NUP50: variants seen among roughly 807,000 people sequenced by gnomAD.
NUP50 encodes the protein nucleoporin 50, also known as nuclear pore complex protein Nup50.
A neutral mutation model predicts 36.8 loss-of-function variants in NUP50; 14 were observed. That is an observed-to-expected ratio of 0.38 (90% CI 0.25 to 0.59). The LOEUF is 0.59. Among genes scored for constraint, NUP50 ranks in the 20% least tolerant of loss-of-function variants. NUP50 has a pLI of 0.63. For synonymous variants in NUP50, 195 were observed against 210.8 expected (o/e 0.93, Z 0.65); for missense variants, 455 against 564.6 (o/e 0.81, Z 1.97).
intron 3 of NUP50, among the ~76,000 whole-genome samples, chr22:45,173,716 T>A (rs2074233567): frequency 6.6e-6 from 1 of 152,088 alleles, no homozygotes; most frequent in African/African-American, 2.4e-5. Flanking sequence ...GGGAAGCCAT[T>A]CTGAAGGAGG....
At chr22:45,167,868 A>AGGG (rs2074119905) in intron 1 of NUP50, among the ~76,000 whole-genome samples, 1 of 152,190 alleles carries the variant, frequency 6.6e-6, no homozygotes, top group Admixed American at 6.5e-5. Context: ...TTTTTAAAAA[A>AGGG]TCAATTGATA....
rs537565427 is a variant in NUP50 at position 45,181,385 on chromosome 22, C to T, written c.1085+18C>T. The stretch of plus-strand genomic sequence containing the variant: ...TCCAAAAAGTAAGAATCCCCACAAC[C>T]TGCTGGCGCATGTGTTTTGCAGGCA... On this transcript the variant is annotated intron_variant, in intron 6 of 7. Coordinates refer to ENST00000347635, the MANE Select transcript of NUP50 (RefSeq NM_007172.4). 2 of 1,532,414 alleles carry T rather than the reference C, an allele frequency of 1.3e-6. No individual in the cohort carries two copies. The highest frequency in any genetic ancestry group is 2.8e-5 in the African/African-American group (2 of 70,592). The allele number at this position is 1,532,414 out of a possible 1,614,324, so 94.9% of individuals were successfully genotyped here.
chr22:45,175,496 A>G (rs1467818682), intron 3 of NUP50, among the ~76,000 whole-genome samples: 1 of 152,210 alleles, frequency 6.6e-6, no homozygotes, highest in African/African-American at 2.4e-5. Flanking sequence ...TCATTTCTTT[A>G]GGCAGTAAAT....
intron 1 of NUP50, among the ~76,000 whole-genome samples, chr22:45,167,951 T>C (rs2074121233): frequency 1.3e-5 from 2 of 152,172 alleles, no homozygotes; most frequent in South Asian, 2.1e-4. Context: ...AGGAATCTTC[T>C]TCTGCCTCCT....
rs2083453770 is a variant in NUP50 at position 45,186,930 on chromosome 22, G to A, written c.*2275G>A. 2 of 152,198 alleles carry A rather than the reference G, an allele frequency of 1.3e-5. No homozygotes were observed. Among genetic ancestry groups the A allele is most frequent in the Non-Finnish European group, 2.9e-5 (2 of 68,030 alleles). 9.4% of individuals were successfully genotyped at this position (152,198 alleles called of 1,614,324 possible). A position where few individuals can be genotyped will look rare whatever the true frequency, so the allele number is the denominator to read the frequency against. Reference sequence around the variant, plus strand: ...TTACTTGGGGCACGGGGCCCCTGGAGGGCTTCCCTACTTTCCCCACTATGT... The same window carrying A: ...TTACTTGGGGCACGGGGCCCCTGGAAGGCTTCCCTACTTTCCCCACTATGT... On this transcript the variant is annotated 3_prime_UTR_variant, in exon 8 of 8. Transcript: ENST00000347635.
rs1350480577 is a variant in NUP50 at position 45,186,480 on chromosome 22, C to A, written c.*1825C>A. 1 of 152,304 alleles carries A rather than the reference C, an allele frequency of 6.6e-6. No individual in the cohort carries two copies. Among genetic ancestry groups the A allele is most frequent in the African/African-American group, 2.4e-5 (1 of 41,442 alleles). 9.4% of individuals were successfully genotyped at this position (152,304 alleles called of 1,614,324 possible). A position where few individuals can be genotyped will look rare whatever the true frequency, so the allele number is the denominator to read the frequency against. On this transcript the variant is annotated 3_prime_UTR_variant, in exon 8 of 8. Coordinates refer to ENST00000347635, the MANE Select transcript of NUP50 (RefSeq NM_007172.4). ...TGTTGCAACTTAGCCACACATGCTTCCCTGGTACCAGCTGGAATCAGCAGC... is the reference window on the plus strand; with the variant it reads ...TGTTGCAACTTAGCCACACATGCTTACCTGGTACCAGCTGGAATCAGCAGC...
intron 6 of NUP50, among the ~76,000 whole-genome samples, chr22:45,181,963 T>C (rs1265709838): frequency 2.0e-5 from 3 of 152,218 alleles, no homozygotes; most frequent in African/African-American, 2.4e-5. Context: ...GTTTTTGTAA[T>C]GCAAAAATTT....
At chr22:45,176,591 A>G (rs1289026342) in intron 4 of NUP50, among the ~76,000 whole-genome samples, 1 of 152,198 alleles carries the variant, frequency 6.6e-6, no homozygotes, top group Non-Finnish European at 1.5e-5. Flanking sequence ...GGAATTAGCA[A>G]CAGAGAATAG....
intron 2 of NUP50, chr22:45,171,157 G>C (rs888013259): frequency 1.5e-5 from 18 of 1,189,906 alleles, no homozygotes; most frequent in Non-Finnish European, 1.7e-5. Context: ...AGTTGGGCAG[G>C]ACTCATCTTA....
At chr22:45,181,151 T>A (rs2074364913) in intron 5 of NUP50, 135 bp from the exon 6 acceptor site, 2 of 55,980 alleles carry the variant, frequency 3.6e-5, no homozygotes, top group South Asian at 2.4e-4. Flanking sequence ...CCCCCCCCCA[T>A]TAAGTGTGCA....
At chr22:45,171,446 C>G (rs1483110351) in intron 2 of NUP50, among the ~76,000 whole-genome samples, 154 bp from the exon 3 acceptor site, 1 of 152,188 alleles carries the variant, frequency 6.6e-6, no homozygotes, top group East Asian at 1.9e-4. Flanking sequence ...CCTCCCAAAG[C>G]GCTAGTATTA....
chr22:45,182,144 A>G (rs1174749187), intron 6 of NUP50, among the ~76,000 whole-genome samples: 2 of 150,862 alleles, frequency 1.3e-5, no homozygotes, highest in Non-Finnish European at 3.0e-5. Flanking sequence ...TTTTTTTTTA[A>G]TTAGAATCAA....
In NUP50 at chr22:45,175,875, C is replaced by T; in HGVS notation, c.154-19C>T. 6.2e-7 allele frequency: 1 copy of T among 1,613,194 alleles called. No homozygotes were observed. The highest frequency in any genetic ancestry group is 8.5e-7 in the Non-Finnish European group (1 of 1,179,504). ...AGAAAGTACACTTACCTAATGTGTG[C>T]TCCTCCTTCATACTTCAGTCTGACA... is the stretch of plus-strand genomic sequence containing the variant. On this transcript the variant is annotated intron_variant, in intron 3 of 7. Transcript: ENST00000347635.
At chr22:45,167,830 TTATA>T (rs748493018) in intron 1 of NUP50, among the ~76,000 whole-genome samples, 65 of 152,358 alleles carry the variant, frequency 4.3e-4, no homozygotes, top group Admixed American at 6.5e-4. Context: ...GACTTTTTGA[TTATA>T]TATACAGTAC....
chr22:45,174,726 T>G (rs955220984), intron 3 of NUP50, among the ~76,000 whole-genome samples: 3 of 152,212 alleles, frequency 2.0e-5, no homozygotes, highest in African/African-American at 7.2e-5. Context: ...GTTTGGAATT[T>G]TAAATGATGA....
intron 2 of NUP50, among the ~76,000 whole-genome samples, chr22:45,168,481 T>A (rs2074130241): frequency 6.6e-6 from 1 of 152,258 alleles, no homozygotes; most frequent in Non-Finnish European, 1.5e-5. Context: ...GCTTTTCCAC[T>A]AGTGCCTGCT....
At position 45,186,076 on chromosome 22, in the gene NUP50, A is replaced by G. The variant is rs1469429854; in HGVS notation, c.*1421A>G. 18 of 152,264 alleles carry G rather than the reference A, an allele frequency of 1.2e-4. No individual in the cohort carries two copies. The highest frequency in any genetic ancestry group is 7.2e-4 in the Admixed American group (11 of 15,290). The allele number at this position is 152,264 out of a possible 1,614,324, so 9.4% of individuals were successfully genotyped here. A position where few individuals can be genotyped will look rare whatever the true frequency, so the allele number is the denominator to read the frequency against. On this transcript the variant is annotated 3_prime_UTR_variant, in exon 8 of 8. Transcript: ENST00000347635. ...AAGGTTTGGCGCCGGGAGCAATTTTATGATCAAATATGATGAACTCCTAAG... is the reference window on the plus strand; with the variant it reads ...AAGGTTTGGCGCCGGGAGCAATTTTGTGATCAAATATGATGAACTCCTAAG...
At chr22:45,184,298 TC>T (rs750009778) in intron 7 of NUP50, 154 bp from the exon 8 acceptor site, 203 of 698,462 alleles carry the variant, frequency 2.9e-4, no homozygotes, top group Admixed American at 5.5e-4. Flanking sequence ...GCCTCCCAGT[TC>T]TCAGGGAACC....
Position 45,168,234 on chromosome 22 carries a change from T to C in NUP50, c.57T>C (p.Asp19=). Residue 19 remains aspartate, a synonymous_variant, in exon 2 of 8, where the codon GAT becomes GAC. Coordinates refer to ENST00000347635, the MANE Select transcript of NUP50 (RefSeq NM_007172.4). The part of the protein sequence containing the change: ...ELTDRNWDQE[D]EAEEVGTFSM... ...CAGATAGGAATTGGGATCAAGAAGA[T>C]GAAGCTGAAGAGGTAAAAAGCAGCT... is the stretch of plus-strand genomic sequence containing the variant. 2.5e-6 allele frequency: 4 copies of C among 1,609,686 alleles called. No homozygotes were observed. The South Asian group carries it at 3.3e-5, about 13-fold the overall frequency.
Sources: gnomAD v4.1 joint callset for allele counts (sites outside exome capture counted in the v4.1 genomes callset) on GRCh38, gnomAD v4.1.1 for gene constraint, MANE v1.5 for transcripts, NCBI Gene and HGNC (gene_info 2026-07-23, HGNC 2026-07-21) for gene names.